The following CYTH4 variants were observed in gnomAD, a reference collection of about 807,000 sequenced individuals.
The protein encoded by CYTH4 is cytohesin-4.
Under a neutral mutation model 57.5 loss-of-function variants are expected in CYTH4, and 22 were observed. The observed-to-expected ratio is 0.38, with a 90% CI of 0.27 to 0.55. CYTH4 has a LOEUF of 0.55. Ranked by LOEUF, CYTH4 falls within the 20% of genes least tolerant of loss-of-function variation. The probability of loss-of-function intolerance (pLI) is 0.74; values close to 1 mark genes in which losing one functional copy is unlikely to be tolerated. For synonymous variants in CYTH4, 186 were observed against 206.5 expected (o/e 0.90, Z 0.85); for missense variants, 420 against 535.6 (o/e 0.78, Z 2.13).
chr22:37,309,629 G>A (rs1395817347), intron 9 of CYTH4, among the ~76,000 whole-genome samples: 1 of 152,236 alleles, frequency 6.6e-6, no homozygotes, highest in Non-Finnish European at 1.5e-5. Flanking sequence ...CTCCCCAGCG[G>A]AATGGGGAGG....
Position 37,311,392 on chromosome 22 carries a change from C to T in CYTH4, c.886-64C>T. Reference sequence around the variant, plus strand: ...GAGTTTGGGGAACCCCACACGTTCACACCCTGCCTTGGGCCTCAGGGTTCC... The same window carrying T: ...GAGTTTGGGGAACCCCACACGTTCATACCCTGCCTTGGGCCTCAGGGTTCC... On this transcript the variant is annotated intron_variant, in intron 10 of 12. Coordinates refer to ENST00000248901, the MANE Select transcript of CYTH4 (RefSeq NM_013385.5). This position sits in a 1 kb window ranked among gnomAD's most constrained non-coding sequence, Gnocchi z 4.4. 5.6e-6 allele frequency: 8 copies of T among 1,430,298 alleles called. No homozygotes were observed. The highest frequency in any genetic ancestry group is 1.8e-4 in the Middle Eastern group (1 of 5,710). 88.6% of individuals were successfully genotyped at this position (1,430,298 alleles called of 1,614,324 possible). A position where few individuals can be genotyped will look rare whatever the true frequency, so the allele number is the denominator to read the frequency against.
chr22:37,285,709 TCAAA>T (rs368245730), intron 1 of CYTH4, among the ~76,000 whole-genome samples: 10 of 151,920 alleles, frequency 6.6e-5, no homozygotes, highest in Middle Eastern at 3.4e-3. Flanking sequence ...AGACATCGTC[TCAAA>T]CAAACAAACA....
At chr22:37,299,201 C>A (rs766105200) in intron 5 of CYTH4, 25 bp from the exon 6 acceptor site, 9 of 1,504,830 alleles carry the variant, frequency 6.0e-6, no homozygotes, top group African/African-American at 1.4e-5. Flanking sequence ...GTGTGTCCCA[C>A]CCTCCCTTCC....
intron 1 of CYTH4, among the ~76,000 whole-genome samples, chr22:37,289,759 T>C (rs1928684606): frequency 1.3e-5 from 2 of 152,352 alleles, no homozygotes; most frequent in African/African-American, 2.4e-5. Flanking sequence ...TGATGTTCCG[T>C]GGGCTGGCAC....
intron 1 of CYTH4, among the ~76,000 whole-genome samples, chr22:37,288,862 G>A (rs775340804): frequency 7.2e-5 from 11 of 152,338 alleles, no homozygotes; most frequent in Non-Finnish European, 1.2e-4. Flanking sequence ...TGCTAGAGAG[G>A]ATCGGTGGAT....
intron 4 of CYTH4, 119 bp from the exon 5 acceptor site, chr22:37,297,445 G>C: frequency 1.2e-6 from 1 of 842,050 alleles, no homozygotes; most frequent in Non-Finnish European, 1.9e-6. Context: ...AGAACAGACT[G>C]TGCCAACACC....
intron 9 of CYTH4, chr22:37,310,064 G>A (rs1929584427): frequency 2.2e-6 from 1 of 461,754 alleles, no homozygotes; most frequent in African/African-American, 2.0e-5. Context: ...TGAAGCAGGG[G>A]TCTCAACCTG....
chr22:37,309,104 T>G, intron 8 of CYTH4, 108 bp from the exon 9 acceptor site: 3 of 806,030 alleles, frequency 3.7e-6, no homozygotes, highest in Non-Finnish European at 6.0e-6. Context: ...GGAAAGAGTA[T>G]GCCTGCAGGT....
rs143752459 is a variant in CYTH4 at position 37,289,104 on chromosome 22, T to C, written c.20-3517T>C. ...AATAGAAGGGGTTTCATGGAATCAG[T>C]TTGCCCCCTGGTCTTCTGGAGAAAA... On this transcript the variant is annotated intron_variant, in intron 1 of 12. Coordinates refer to ENST00000248901, the MANE Select transcript of CYTH4 (RefSeq NM_013385.5). Among the ~76,000 whole-genome samples the C allele has an allele frequency of 2.9e-4, 44 of 152,318 alleles. 1 individual carries two copies. In the East Asian group the frequency reaches 8.1e-3, roughly 28 times the overall value.
chr22:37,308,534 G>C (rs1305872722), intron 8 of CYTH4, among the ~76,000 whole-genome samples: 2 of 151,668 alleles, frequency 1.3e-5, no homozygotes, highest in African/African-American at 4.9e-5. Flanking sequence ...GTGTCTGTGA[G>C]TGTGTGTATG....
chr22:37,290,005 G>C (rs1706354781), intron 1 of CYTH4, among the ~76,000 whole-genome samples: 1 of 152,054 alleles, frequency 6.6e-6, no homozygotes, highest in African/African-American at 2.4e-5. Flanking sequence ...GGGGATGATG[G>C]GTCAGCTTCA....
chr22:37,288,077 G>A (rs902880281), intron 1 of CYTH4, among the ~76,000 whole-genome samples: 24 of 152,090 alleles, frequency 1.6e-4, no homozygotes, highest in African/African-American at 5.8e-4. Context: ...TCAGGAGTTC[G>A]AGACCAGCCT....
chr22:37,285,137 T>C (rs1928504007), intron 1 of CYTH4, among the ~76,000 whole-genome samples: 1 of 152,234 alleles, frequency 6.6e-6, no homozygotes, highest in African/African-American at 2.4e-5. Flanking sequence ...TGAGGCCAGC[T>C]GTCCTGGAAG....
At position 37,295,035 on chromosome 22, in the gene CYTH4, G is replaced by A. The variant is rs1294067898; in HGVS notation, c.167+311G>A. Among the ~76,000 whole-genome samples the A allele has an allele frequency of 6.6e-6, 1 of 152,020 alleles. No homozygotes were observed. Among genetic ancestry groups the A allele is most frequent in the Non-Finnish European group, 1.5e-5 (1 of 67,980 alleles). On this transcript the variant is annotated intron_variant, in intron 3 of 12. Transcript: ENST00000248901. This position sits in a 1 kb window ranked among gnomAD's most constrained non-coding sequence, Gnocchi z 4.1. The stretch of plus-strand genomic sequence containing the variant: ...GGCCACATCCACCCTGGGATGGGCG[G>A]GGAGAAGGGAAGCTCAGCCCCAAGG...
At chr22:37,289,698 G>A (rs5756595) in intron 1 of CYTH4, among the ~76,000 whole-genome samples, 88,533 of 152,104 alleles carry the variant, frequency 0.58, 26,098 homozygotes, top group South Asian at 0.78. Context: ...GGGCTCGCTT[G>A]ACCTTCTGAC....
intron 8 of CYTH4, among the ~76,000 whole-genome samples, chr22:37,306,416 G>A (rs948868525): frequency 1.5e-4 from 23 of 152,152 alleles, no homozygotes; most frequent in South Asian, 6.2e-4. Flanking sequence ...AAGTCATCCC[G>A]TCCCCAGTTT....
rs1191284638 is a variant in CYTH4, at chr22:37,309,916, C to T, written c.808+593C>T. On this transcript the variant is annotated intron_variant, in intron 9 of 12. Transcript: ENST00000248901. ...GGGGTGGGAGCTGCAGTAATAGTGG[C>T]TGTAGAGTCCAGCAGGGCAACCCCA... 6 of 434,048 alleles carry T rather than the reference C, an allele frequency of 1.4e-5. No homozygotes were observed. The East Asian group carries it at 3.7e-4, about 27-fold the overall frequency. The allele number at this position is 434,048 out of a possible 1,614,324, so 26.9% of individuals were successfully genotyped here.
Position 37,313,613 on chromosome 22 carries a change from G to A in CYTH4, c.*102G>A. 2 of 1,079,920 alleles carry A rather than the reference G, an allele frequency of 1.9e-6. No individual in the cohort carries two copies. The highest frequency in any genetic ancestry group is 2.4e-5 in the East Asian group (1 of 41,434). The allele number at this position is 1,079,920 out of a possible 1,614,324, so 66.9% of individuals were successfully genotyped here. On this transcript the variant is annotated 3_prime_UTR_variant, in exon 13 of 13. Coordinates refer to ENST00000248901, the MANE Select transcript of CYTH4 (RefSeq NM_013385.5). ...CCCCAGTGCACTCTTTTGGGCCACAGACATCATTGCTGTTCCCCGTTACCT... is the reference window on the plus strand; with the variant it reads ...CCCCAGTGCACTCTTTTGGGCCACAAACATCATTGCTGTTCCCCGTTACCT...
At chr22:37,296,947 TC>T (rs1256281675) in intron 4 of CYTH4, among the ~76,000 whole-genome samples, 1 of 152,046 alleles carries the variant, frequency 6.6e-6, no homozygotes, top group Non-Finnish European at 1.5e-5. Flanking sequence ...GATGACAAAC[TC>T]TGAGTGCCTT....
Sources: allele counts gnomAD v4.1 joint callset (sites outside exome capture counted in the v4.1 genomes callset), GRCh38; gene constraint gnomAD v4.1.1; non-coding constraint Gnocchi (gnomAD v3.1); transcripts MANE v1.5; gene names NCBI Gene and HGNC (gene_info 2026-07-23, HGNC 2026-07-21).